The following CSMD1 variants were observed in gnomAD, a reference collection of about 807,000 sequenced individuals.
CSMD1 encodes the protein CUB and Sushi multiple domains 1.
CSMD1 carries 213 observed loss-of-function variants against 417.5 expected under a neutral mutation model. The observed-to-expected ratio is 0.51, with a 90% CI of 0.46 to 0.57. The LOEUF is 0.57. Ranked by LOEUF, CSMD1 falls within the 20% of genes least tolerant of loss-of-function variation. The pLI, the probability that CSMD1 is intolerant of heterozygous loss-of-function variation, is 0.00. For synonymous variants in CSMD1, 2,862 were observed against 1,736.8 expected (o/e 1.65, Z -16.11); for missense variants, 6,923 against 4,529.7 (o/e 1.53, Z -15.17).
At chr8:3,857,391 A>G (rs1415949197) in intron 5 of CSMD1, among the ~76,000 whole-genome samples, 1 of 152,182 alleles carries the variant, frequency 6.6e-6, no homozygotes, top group Non-Finnish European at 1.5e-5. Flanking sequence ...ATTGGCCTAT[A>G]TTTGGAATAA....
At chr8:3,013,475 G>T (rs978909507) in intron 52 of CSMD1, among the ~76,000 whole-genome samples, 6 of 152,144 alleles carry the variant, frequency 3.9e-5, no homozygotes, top group Admixed American at 2.0e-4. Context: ...TTCCAGCCTG[G>T]TGTGGTGCCT....
At chr8:4,388,209 T>C (rs1210991266) in intron 3 of CSMD1, among the ~76,000 whole-genome samples, 3 of 152,020 alleles carry the variant, frequency 2.0e-5, no homozygotes, top group Non-Finnish European at 4.4e-5. Flanking sequence ...ACGAAAAAGA[T>C]ATTTGCACAT....
chr8:3,149,357 T>C (rs1355130016), intron 40 of CSMD1, among the ~76,000 whole-genome samples: 1 of 152,244 alleles, frequency 6.6e-6, no homozygotes, highest in East Asian at 1.9e-4. Flanking sequence ...GACAAACATT[T>C]GGAAGAATAA....
chr8:3,795,898 TATATATCATGTAC>T lies in CSMD1; in HGVS notation c.819-41869_819-41857del, dbSNP rs1319179849. Reference sequence around the variant, plus strand: ...GATATATATCTATCATGTACAGATATATATATCATGTACAGATATAGATATCTATCATGTACAG... The same window carrying T: ...GATATATATCTATCATGTACAGATATAGATATAGATATCTATCATGTACAG... On this transcript the variant is annotated intron_variant, in intron 5 of 69. Transcript: ENST00000635120. 8.3e-3 allele frequency among the ~76,000 whole-genome samples: 531 copies of T among 64,278 alleles called. 182 individuals are homozygous for T. The highest frequency in any genetic ancestry group is 0.012 in the Non-Finnish European group (353 of 29,124). 42.2% of individuals were successfully genotyped at this position (64,278 alleles called of 152,430 possible).
At chr8:3,179,187 T>C (rs537002413) in intron 37 of CSMD1, among the ~76,000 whole-genome samples, 3,025 of 150,616 alleles carry the variant, frequency 0.02, 71 homozygotes, top group African/African-American at 0.052. Flanking sequence ...CCTCGTGATC[T>C]GCCCGCCTTG....
chr8:3,820,286 T>C (rs961366644), intron 5 of CSMD1, among the ~76,000 whole-genome samples: 5 of 152,110 alleles, frequency 3.3e-5, no homozygotes, highest in Non-Finnish European at 5.9e-5. Context: ...ATGTGTAGGA[T>C]ATGTGAGCTC....
intron 3 of CSMD1, among the ~76,000 whole-genome samples, chr8:4,049,200 C>A (rs993170802): frequency 4.6e-5 from 7 of 151,976 alleles, no homozygotes; most frequent in Non-Finnish European, 8.8e-5. Flanking sequence ...TTGCGTCTTT[C>A]TCTATCTATT....
intron 49 of CSMD1, among the ~76,000 whole-genome samples, chr8:3,084,524 C>A (rs1179563625): frequency 4.0e-3 from 392 of 97,102 alleles, no homozygotes; most frequent in South Asian, 7.7e-3. Context: ...AACTCCGTCT[C>A]AAAAAAAAAA....
intron 4 of CSMD1, among the ~76,000 whole-genome samples, chr8:4,023,438 A>G (rs1032209688): frequency 6.6e-6 from 1 of 152,120 alleles, no homozygotes; most frequent in Non-Finnish European, 1.5e-5. Flanking sequence ...CAAAGCCAGC[A>G]CTCATCTAGA....
chr8:3,872,566 T>G (rs2129113719), intron 5 of CSMD1, among the ~76,000 whole-genome samples: 1 of 152,324 alleles, frequency 6.6e-6, no homozygotes, highest in South Asian at 2.1e-4. Flanking sequence ...GTTGTCTGTT[T>G]CAGAATTGCT....
At chr8:4,875,554 G>T (rs1271798278) in intron 1 of CSMD1, among the ~76,000 whole-genome samples, 1 of 152,012 alleles carries the variant, frequency 6.6e-6, no homozygotes, top group East Asian at 1.9e-4. Context: ...AACTCAAGCA[G>T]AAGCATAGAT....
intron 12 of CSMD1, among the ~76,000 whole-genome samples, chr8:3,433,848 G>GT (rs1440456632): frequency 1.3e-4 from 20 of 152,298 alleles, no homozygotes; most frequent in Admixed American, 1.2e-3. Context: ...GCCATTCTCT[G>GT]TTGCACTGGA....
At chr8:3,567,133 G>A (rs559544976) in intron 10 of CSMD1, among the ~76,000 whole-genome samples, 1 of 152,270 alleles carries the variant, frequency 6.6e-6, no homozygotes, top group African/African-American at 2.4e-5. Flanking sequence ...CAGGGGCATG[G>A]ATGAAGCCAG....
At chr8:4,823,624 C>G (rs571315812) in intron 1 of CSMD1, among the ~76,000 whole-genome samples, 3 of 152,152 alleles carry the variant, frequency 2.0e-5, no homozygotes, top group African/African-American at 7.2e-5. Context: ...CGACCCCCTA[C>G]TACACATAGC....
At chr8:3,979,259 T>C (rs1813670199) in intron 5 of CSMD1, among the ~76,000 whole-genome samples, 1 of 152,162 alleles carries the variant, frequency 6.6e-6, no homozygotes, top group Non-Finnish European at 1.5e-5. Context: ...TCTTTTTGTT[T>C]TGGGAGCGGA....
intron 1 of CSMD1, among the ~76,000 whole-genome samples, chr8:4,848,148 G>A (rs1357933088): frequency 1.3e-5 from 2 of 152,172 alleles, no homozygotes; most frequent in East Asian, 3.9e-4. Flanking sequence ...GCATGTATTA[G>A]TACTTCATTC....
At chr8:4,810,922 AAT>A in intron 1 of CSMD1, among the ~76,000 whole-genome samples, 1 of 152,224 alleles carries the variant, frequency 6.6e-6, no homozygotes, top group Non-Finnish European at 1.5e-5. Context: ...CCTCTCCTGA[AAT>A]ATGAGATTAA....
chr8:4,043,519 A>G (rs907931090), intron 3 of CSMD1, among the ~76,000 whole-genome samples: 11 of 152,236 alleles, frequency 7.2e-5, no homozygotes, highest in Admixed American at 3.3e-4. Flanking sequence ...AGACAAATAG[A>G]TAACAGTAAA....
At chr8:3,299,246 G>A (rs569206266) in intron 25 of CSMD1, among the ~76,000 whole-genome samples, 1 of 152,270 alleles carries the variant, frequency 6.6e-6, no homozygotes, top group South Asian at 2.1e-4. Flanking sequence ...GAGGTCAGGA[G>A]TTCGAGACCA....
Sources: allele counts gnomAD v4.1 joint callset (sites outside exome capture counted in the v4.1 genomes callset), GRCh38; gene constraint gnomAD v4.1.1; transcripts MANE v1.5; gene names NCBI Gene and HGNC (gene_info 2026-07-23, HGNC 2026-07-21).